DNAI7: variants seen among roughly 807,000 people sequenced by gnomAD.
DNAI7 encodes the protein dynein axonemal intermediate chain 7, also known as cancer susceptibility 1.
A neutral mutation model predicts 86.6 loss-of-function variants in DNAI7; 78 were observed. The observed-to-expected ratio is 0.90, with a 90% CI of 0.75 to 1.09. DNAI7 has a LOEUF of 1.09. Ranked by LOEUF, DNAI7 falls within the 50% of genes least tolerant of loss-of-function variation. DNAI7 has a pLI of 0.00. For synonymous variants in DNAI7, 274 were observed against 273.0 expected (o/e 1.00, Z -0.04); for missense variants, 753 against 810.2 (o/e 0.93, Z 0.86).
At position 25,165,411 on chromosome 12, in the gene DNAI7, G is replaced by A. The variant is rs576877683; in HGVS notation, c.22-4214C>T. ...GTTACTCTAGAACCTCCTCCCCCAG[G>A]AGCTTGCTACAAGTGCCAGAAATCT... is the stretch of plus-strand genomic sequence containing the variant. On this transcript the variant is annotated intron_variant, in intron 2 of 15. Transcript: ENST00000395987. 3.3e-5 allele frequency among the ~76,000 whole-genome samples: 5 copies of A among 152,272 alleles called. No homozygotes were observed. The East Asian group carries it at 7.7e-4, about 24-fold the overall frequency.
At chr12:25,183,668 C>G (rs1343965774) in intron 2 of DNAI7, among the ~76,000 whole-genome samples, 1 of 151,748 alleles carries the variant, frequency 6.6e-6, no homozygotes, top group Non-Finnish European at 1.5e-5. Context: ...AACCCATGGA[C>G]TCAAGCGATC....
At chr12:25,174,529 CATATATATGGG>C (rs1948662255) in intron 2 of DNAI7, among the ~76,000 whole-genome samples, 2 of 70,980 alleles carry the variant, frequency 2.8e-5, no homozygotes, top group African/African-American at 4.6e-5. Context: ...TCATATATAT[CATATATATGGG>C]ATATATATAT....
chr12:25,111,321 T>C (rs1161100203), intron 14 of DNAI7, among the ~76,000 whole-genome samples: 1 of 152,216 alleles, frequency 6.6e-6, no homozygotes, highest in Admixed American at 6.5e-5. Context: ...TAAAGCCTTA[T>C]GACGAACATG....
chr12:25,191,668 A>C (rs1468990398), intron 1 of DNAI7, among the ~76,000 whole-genome samples: 3 of 152,170 alleles, frequency 2.0e-5, no homozygotes, highest in African/African-American at 7.2e-5. Flanking sequence ...GCACCACTGC[A>C]CTCCAGTCTG....
chr12:25,160,094 T>C (rs1946665340), intron 3 of DNAI7, among the ~76,000 whole-genome samples: 1 of 152,118 alleles, frequency 6.6e-6, no homozygotes, highest in Non-Finnish European at 1.5e-5. Context: ...GCACCAATGC[T>C]CCTAATTTCT....
At chr12:25,130,575 A>C (rs1271293890) in intron 9 of DNAI7, among the ~76,000 whole-genome samples, 1 of 80,228 alleles carries the variant, frequency 1.2e-5, no homozygotes. Flanking sequence ...ATAAAATAAA[A>C]TAAAATAAAA....
intron 6 of DNAI7, among the ~76,000 whole-genome samples, chr12:25,150,909 C>T (rs1397627679): frequency 6.6e-6 from 1 of 152,104 alleles, no homozygotes; most frequent in Non-Finnish European, 1.5e-5. Flanking sequence ...TTACAATGCA[C>T]CAGGAACTGT....
At chr12:25,142,734 CT>C (rs1452604503) in intron 9 of DNAI7, among the ~76,000 whole-genome samples, 1 of 152,150 alleles carries the variant, frequency 6.6e-6, no homozygotes, top group African/African-American at 2.4e-5. Flanking sequence ...CAAATCCTCC[CT>C]AACTTTATTT....
intron 2 of DNAI7, among the ~76,000 whole-genome samples, chr12:25,169,840 T>C (rs1947921631): frequency 7.4e-6 from 1 of 134,738 alleles, no homozygotes; most frequent in African/African-American, 3.0e-5. Context: ...AGAGCAAGAC[T>C]CTGTCTCAAA....
At chr12:25,129,839 C>A (rs765063252) in intron 9 of DNAI7, among the ~76,000 whole-genome samples, 2 of 151,724 alleles carry the variant, frequency 1.3e-5, no homozygotes, top group African/African-American at 4.9e-5. Context: ...CTCAGCTCAC[C>A]GCAACCTCTG....
Position 25,144,590 on chromosome 12 carries a change from C to T in DNAI7, c.777G>A (p.Leu259=). ...CAGAAACATGATCATAGTGGGTATGCAGGAGTCGTACAGCAATGTCACTTG... is the reference window on the plus strand; with the variant it reads ...CAGAAACATGATCATAGTGGGTATGTAGGAGTCGTACAGCAATGTCACTTG... ...LATSDIAVRL[L]HTHYDHVSAL... Residue 259 remains leucine, a synonymous_variant, in exon 9 of 16, where the codon CTG becomes CTA. Coordinates refer to ENST00000395987, the MANE Select transcript of DNAI7 (RefSeq NM_018272.5). The T allele has an allele frequency of 1.5e-5, 25 of 1,614,002 alleles. No individual in the cohort carries two copies. The highest frequency in any genetic ancestry group is 2.0e-5 in the Non-Finnish European group (24 of 1,179,952).
Position 25,147,057 on chromosome 12 carries a change from G to A in DNAI7, c.633C>T (p.Val211=), listed in dbSNP as rs1944939610. The change falls in exon 8 of 16, where the codon GTC becomes GTT. Residue 211 remains valine (V), a synonymous_variant. Transcript: ENST00000395987. The part of the protein sequence containing the change: ...ADLDSGNMEK[V]IKDENVTLYV... ...ACAGAGTAACATTTTCATCTTTAAT[G>A]ACTTTTTCCATATTTCCACTGTCCA... 1 of 1,609,054 alleles carries A rather than the reference G, an allele frequency of 6.2e-7. No individual in the cohort carries two copies. The highest frequency in any genetic ancestry group is 8.5e-7 in the Non-Finnish European group (1 of 1,175,478).
chr12:25,113,301 T>TGTC (rs1939348709), intron 13 of DNAI7, among the ~76,000 whole-genome samples: 2 of 151,982 alleles, frequency 1.3e-5, no homozygotes, highest in Non-Finnish European at 2.9e-5. Context: ...TTGTTGTTGT[T>TGTC]GTTGTTGTTG....
In DNAI7 at chr12:25,159,674, TCTCA is replaced by T. The variant is rs948060576; in HGVS notation, c.107-1115_107-1112del. On this transcript the variant is annotated intron_variant, in intron 3 of 15. Coordinates refer to ENST00000395987, the MANE Select transcript of DNAI7 (RefSeq NM_018272.5). ...TGCAATTACCTTAATCTTCTCCTGC[TCTCA>T]CTATTAAAAACAAAATGTGAAGTAC... is the stretch of plus-strand genomic sequence containing the variant. Among the ~76,000 whole-genome samples, 7 of 152,116 alleles carry T rather than the reference TCTCA, an allele frequency of 4.6e-5. No homozygotes were observed. In the East Asian group the frequency reaches 9.6e-4, roughly 21 times the overall value.
chr12:25,142,259 C>G (rs987902609), intron 9 of DNAI7, among the ~76,000 whole-genome samples: 2 of 152,010 alleles, frequency 1.3e-5, no homozygotes, highest in African/African-American at 4.8e-5. Flanking sequence ...GAAAACCAAA[C>G]ATCACATATT....
At chr12:25,190,003 A>C (rs1262483122) in intron 2 of DNAI7, among the ~76,000 whole-genome samples, 1 of 52,438 alleles carries the variant, frequency 1.9e-5, no homozygotes, top group Non-Finnish European at 4.1e-5. Context: ...AAAAAAAAAA[A>C]AAAAAGCACT....
At chr12:25,160,014 T>C (rs1946658137) in intron 3 of DNAI7, among the ~76,000 whole-genome samples, 1 of 151,716 alleles carries the variant, frequency 6.6e-6, no homozygotes, top group South Asian at 2.1e-4. Flanking sequence ...GGCTGCTCTA[T>C]GTATTTCTTG....
At chr12:25,147,170 T>G (rs1169984301) in intron 7 of DNAI7, 66 bp from the exon 8 acceptor site, 3 of 805,364 alleles carry the variant, frequency 3.7e-6, no homozygotes, top group Non-Finnish European at 6.3e-6. Flanking sequence ...ATTAGATAAG[T>G]TACTTTATCA....
rs138857644 is a variant in DNAI7 at position 25,114,970 on chromosome 12, C to G, written c.1397-100G>C. 1.5e-4 allele frequency: 125 copies of G among 853,458 alleles called. No individual in the cohort carries two copies. The East Asian group carries it at 3.2e-3, about 22-fold the overall frequency. The allele number at this position is 853,458 out of a possible 1,614,324, so 52.9% of individuals were successfully genotyped here. A position where few individuals can be genotyped will look rare whatever the true frequency, so the allele number is the denominator to read the frequency against. ...AAAATTGCTTTGTGTATAAATTGAT[C>G]TTTCATATTTAGAATAGAAACTCAA... On this transcript the variant is annotated intron_variant, in intron 12 of 15. Coordinates refer to ENST00000395987, the MANE Select transcript of DNAI7 (RefSeq NM_018272.5).
Sources: gnomAD v4.1 joint callset for allele counts (sites outside exome capture counted in the v4.1 genomes callset) on GRCh38, gnomAD v4.1.1 for gene constraint, MANE v1.5 for transcripts, NCBI Gene and HGNC (gene_info 2026-07-23, HGNC 2026-07-21) for gene names.